The following SYNDIG1 variants were observed in gnomAD, a reference collection of about 807,000 sequenced individuals.
SYNDIG1 encodes the protein synapse differentiation inducing 1, also known as synapse differentiation-inducing gene protein 1.
In SYNDIG1, 9 loss-of-function variants were observed where a neutral mutation model predicts 19.4. The ratio of observed to expected loss-of-function variants is 0.46; its 90% confidence interval spans 0.28 to 0.81. SYNDIG1 has a LOEUF of 0.81. Ranked by LOEUF, SYNDIG1 falls within the 30% of genes least tolerant of loss-of-function variation. SYNDIG1 has a pLI of 0.12. For missense variants in SYNDIG1, 311 were observed against 343.3 expected (o/e 0.91, Z 0.74); for synonymous variants, 141 against 145.9 (o/e 0.97, Z 0.24).
At chr20:24,652,994 C>CT (rs1418104853) in intron 3 of SYNDIG1, among the ~76,000 whole-genome samples, 8 of 152,210 alleles carry the variant, frequency 5.3e-5, no homozygotes, top group Non-Finnish European at 1.2e-4. Context: ...TCCAAGGAAG[C>CT]TGCTTGTCTC....
Position 24,517,310 on chromosome 20 carries a change from A to T in SYNDIG1, c.-78-25710A>T, listed in dbSNP as rs890424259. On this transcript the variant is annotated intron_variant, in intron 1 of 3. Transcript: ENST00000376862. The stretch of plus-strand genomic sequence containing the variant: ...GAACTTAAAGTATAATAAAAAAAAA[A>T]ATAAATAAATAAATATATATATATG... 1.1e-4 allele frequency among the ~76,000 whole-genome samples: 17 copies of T among 148,948 alleles called. No individual in the cohort carries two copies. The East Asian group carries it at 2.7e-3, about 24-fold the overall frequency.
intron 1 of SYNDIG1, among the ~76,000 whole-genome samples, chr20:24,494,948 C>G: frequency 6.6e-6 from 1 of 152,216 alleles, no homozygotes; most frequent in East Asian, 1.9e-4. Flanking sequence ...ACTCCTACTA[C>G]CTCAGTCCAG....
At chr20:24,479,193 T>C (rs2055723028) in intron 1 of SYNDIG1, among the ~76,000 whole-genome samples, 1 of 151,952 alleles carries the variant, frequency 6.6e-6, no homozygotes, top group South Asian at 2.1e-4. Context: ...AATCAGAGGG[T>C]CTCTGTCTCC....
At chr20:24,514,747 A>C (rs971062051) in intron 1 of SYNDIG1, among the ~76,000 whole-genome samples, 4 of 152,204 alleles carry the variant, frequency 2.6e-5, no homozygotes, top group Non-Finnish European at 5.9e-5. Flanking sequence ...ATATCCAGGA[A>C]TTGAACTCAG....
At chr20:24,537,205 C>G (rs2057379379) in intron 1 of SYNDIG1, among the ~76,000 whole-genome samples, 1 of 152,196 alleles carries the variant, frequency 6.6e-6, no homozygotes, top group Non-Finnish European at 1.5e-5. Flanking sequence ...TGGAACATCT[C>G]CCCTGCACAG....
chr20:24,519,798 C>G (rs1361723549), intron 1 of SYNDIG1, among the ~76,000 whole-genome samples: 1 of 151,966 alleles, frequency 6.6e-6, no homozygotes, highest in African/African-American at 2.4e-5. Context: ...CTCTCTCTCT[C>G]CCTTAGACAG....
intron 1 of SYNDIG1, among the ~76,000 whole-genome samples, chr20:24,522,449 G>A (rs1020370526): frequency 6.6e-6 from 1 of 152,118 alleles, no homozygotes; most frequent in Admixed American, 6.5e-5. Flanking sequence ...TCCCTGCTTT[G>A]AAAGGGTAGA....
intron 1 of SYNDIG1, among the ~76,000 whole-genome samples, chr20:24,530,535 C>T (rs2057234131): frequency 6.6e-6 from 1 of 152,216 alleles, no homozygotes; most frequent in Non-Finnish European, 1.5e-5. Flanking sequence ...TGAGGGTTTG[C>T]AAGCAGCTCT....
At chr20:24,595,719 G>A (rs1243961277) in intron 3 of SYNDIG1, among the ~76,000 whole-genome samples, 4 of 152,148 alleles carry the variant, frequency 2.6e-5, no homozygotes, top group African/African-American at 9.7e-5. Flanking sequence ...TCAACCTTGG[G>A]AGATTTTGTG....
intron 3 of SYNDIG1, among the ~76,000 whole-genome samples, chr20:24,610,804 C>A (rs942493240): frequency 7.9e-5 from 12 of 152,116 alleles, no homozygotes; most frequent in Non-Finnish European, 1.6e-4. Flanking sequence ...TGTAAGTGTT[C>A]TTTGCTTGGT....
At chr20:24,471,304 G>C (rs975073887) in intron 1 of SYNDIG1, among the ~76,000 whole-genome samples, 1 of 152,094 alleles carries the variant, frequency 6.6e-6, no homozygotes, top group Admixed American at 6.5e-5. Flanking sequence ...GAGGCGGGCG[G>C]GGGGCAGTCT....
At chr20:24,480,561 G>T (rs184823754) in intron 1 of SYNDIG1, among the ~76,000 whole-genome samples, 16 of 152,346 alleles carry the variant, frequency 1.1e-4, no homozygotes, top group Admixed American at 6.5e-4. Flanking sequence ...GGAAAATAGT[G>T]TGGAGGTTCC....
At chr20:24,617,926 G>T (rs2058967059) in intron 3 of SYNDIG1, among the ~76,000 whole-genome samples, 3 of 145,416 alleles carry the variant, frequency 2.1e-5, no homozygotes, top group Non-Finnish European at 3.0e-5. Context: ...AAGCGGGAGA[G>T]CCCGGGGAGT....
At chr20:24,583,851 G>A (rs2058369463) in intron 2 of SYNDIG1, among the ~76,000 whole-genome samples, 1 of 152,296 alleles carries the variant, frequency 6.6e-6, no homozygotes, top group South Asian at 2.1e-4. Context: ...TGGACGCAAA[G>A]AGAAGAACAG....
chr20:24,590,084 G>A (rs1269372241), intron 3 of SYNDIG1, among the ~76,000 whole-genome samples: 4 of 152,214 alleles, frequency 2.6e-5, no homozygotes, highest in African/African-American at 7.2e-5. Context: ...TATTAGCTGC[G>A]GATGGACATG....
chr20:24,640,485 G>GGAAGGAAA (rs2059364246), intron 3 of SYNDIG1, among the ~76,000 whole-genome samples: 3 of 78,796 alleles, frequency 3.8e-5, no homozygotes, highest in African/African-American at 1.1e-4. Flanking sequence ...AAGGAAGGAA[G>GGAAGGAAA]GAAGGAAGGA....
intron 3 of SYNDIG1, among the ~76,000 whole-genome samples, chr20:24,602,051 C>T (rs895872913): frequency 6.6e-6 from 1 of 151,932 alleles, no homozygotes; most frequent in Non-Finnish European, 1.5e-5. Flanking sequence ...TCACCTACAA[C>T]CCTTCTTGTA....
At chr20:24,580,068 C>T (rs1045876756) in intron 2 of SYNDIG1, among the ~76,000 whole-genome samples, 3 of 152,226 alleles carry the variant, frequency 2.0e-5, no homozygotes, top group African/African-American at 7.2e-5. Context: ...TCTGCCTTGG[C>T]TTTAGCTCAA....
intron 2 of SYNDIG1, among the ~76,000 whole-genome samples, chr20:24,553,642 G>A (rs1354486534): frequency 6.6e-6 from 1 of 152,170 alleles, no homozygotes; most frequent in African/African-American, 2.4e-5. Flanking sequence ...TTATTTCTGA[G>A]GGCTCTGTTC....
Sources: gnomAD v4.1 joint callset for allele counts (sites outside exome capture counted in the v4.1 genomes callset) on GRCh38, gnomAD v4.1.1 for gene constraint, MANE v1.5 for transcripts, NCBI Gene and HGNC (gene_info 2026-07-23, HGNC 2026-07-21) for gene names.